Variants in TOP6BL observed in about 807,000 individuals in gnomAD.
TOP6BL encodes TOP6B like initiator of meiotic double strand breaks.
the TOP6BL span, among the ~76,000 whole-genome samples, chr11:66,783,230 G>A: frequency 2.0e-5 from 3 of 152,132 alleles, no homozygotes; most frequent in African/African-American, 4.8e-5. Flanking sequence ...GCTGGGCATC[G>A]TGTACACCTG....
chr11:66,781,556 A>G, the TOP6BL span, among the ~76,000 whole-genome samples: 1 of 151,996 alleles, frequency 6.6e-6, no homozygotes, highest in African/African-American at 2.4e-5. Flanking sequence ...CTTTTTTCAG[A>G]GACAGGGTCT....
the TOP6BL span, chr11:66,843,265 T>C: frequency 5.0e-6 from 8 of 1,604,244 alleles, no homozygotes; most frequent in South Asian, 4.4e-5. Flanking sequence ...CGCCCACCGA[T>C]CCGGAGGCTG....
the TOP6BL span, among the ~76,000 whole-genome samples, chr11:66,829,068 CAAA>C: frequency 3.0e-5 from 1 of 33,096 alleles, no homozygotes; most frequent in Non-Finnish European, 6.1e-5. Flanking sequence ...GCCTCTGTCT[CAAA>C]AAAAAAAAAA....
chr11:66,778,108 T>TA, the TOP6BL span, among the ~76,000 whole-genome samples: 1 of 151,138 alleles, frequency 6.6e-6, no homozygotes, highest in South Asian at 2.1e-4. Context: ...TTTTTTTTTT[T>TA]AAGAGACAGT....
chr11:66,830,598 A>G, the TOP6BL span, among the ~76,000 whole-genome samples: 1 of 152,212 alleles, frequency 6.6e-6, no homozygotes, highest in Non-Finnish European at 1.5e-5. Flanking sequence ...CAATGAAACT[A>G]AAAGGTGGCT....
chr11:66,843,173 T>C, the TOP6BL span: 1 of 1,611,266 alleles, frequency 6.2e-7, no homozygotes, highest in South Asian at 1.1e-5. Context: ...CCGCAGGACG[T>C]GCTGTGGCTG....
At chr11:66,757,507 C>G in the TOP6BL span, among the ~76,000 whole-genome samples, 7 of 152,136 alleles carry the variant, frequency 4.6e-5, no homozygotes, top group Admixed American at 3.9e-4. Context: ...TGGAAATGTT[C>G]TCTGTCTCCT....
the TOP6BL span, among the ~76,000 whole-genome samples, chr11:66,745,312 G>C: frequency 3.3e-4 from 50 of 149,400 alleles, 3 homozygotes; most frequent in Middle Eastern, 3.4e-3. Flanking sequence ...TGCGGGGCGG[G>C]GTGGGGGGAG....
the TOP6BL span, among the ~76,000 whole-genome samples, chr11:66,768,548 A>G: frequency 8.5e-5 from 13 of 152,266 alleles, no homozygotes; most frequent in East Asian, 3.9e-4. Context: ...GACTACACTT[A>G]ATTTTAAGCT....
chr11:66,826,150 A>AT, the TOP6BL span, among the ~76,000 whole-genome samples: 1 of 151,952 alleles, frequency 6.6e-6, no homozygotes, highest in Admixed American at 6.6e-5. Context: ...GGCCTGCTTC[A>AT]TTTTTTTGGT....
At chr11:66,825,437 G>C in the TOP6BL span, among the ~76,000 whole-genome samples, 1 of 151,512 alleles carries the variant, frequency 6.6e-6, no homozygotes, top group East Asian at 2.0e-4. Flanking sequence ...GTTGTAGTGA[G>C]CTGAGTTCGC....
chr11:66,800,869 C>T, the TOP6BL span, among the ~76,000 whole-genome samples: 1 of 152,176 alleles, frequency 6.6e-6, no homozygotes, highest in African/African-American at 2.4e-5. Flanking sequence ...ATCCCTGTCT[C>T]TAGAGGGGGT....
chr11:66,784,675 T>C, the TOP6BL span, among the ~76,000 whole-genome samples: 1 of 152,244 alleles, frequency 6.6e-6, no homozygotes, highest in East Asian at 1.9e-4. Flanking sequence ...TTAAGCATTA[T>C]ATTTTCAAGG....
At chr11:66,782,406 A>G in the TOP6BL span, among the ~76,000 whole-genome samples, 7 of 152,324 alleles carry the variant, frequency 4.6e-5, no homozygotes, top group South Asian at 1.4e-3. Context: ...ACCTTGGCCA[A>G]GGACTCATGG....
the TOP6BL span, among the ~76,000 whole-genome samples, chr11:66,841,340 T>C: frequency 8.6e-5 from 13 of 151,808 alleles, no homozygotes; most frequent in Admixed American, 7.9e-4. Flanking sequence ...CTGGTCTCAA[T>C]CTCCTGACCT....
chr11:66,769,845 A>G, the TOP6BL span, among the ~76,000 whole-genome samples: 5 of 151,608 alleles, frequency 3.3e-5, no homozygotes, highest in Non-Finnish European at 7.4e-5. Flanking sequence ...GGTTCATGCC[A>G]TTCTCCTGCC....
At chr11:66,833,001 C>T in the TOP6BL span, among the ~76,000 whole-genome samples, 1 of 147,118 alleles carries the variant, frequency 6.8e-6, no homozygotes, top group Non-Finnish European at 1.5e-5. Context: ...GTAACTCCAT[C>T]TTCACATTGC....
At chr11:66,825,132 G>A in the TOP6BL span, among the ~76,000 whole-genome samples, 1 of 151,584 alleles carries the variant, frequency 6.6e-6, no homozygotes, top group African/African-American at 2.4e-5. Flanking sequence ...CCAAAGTGCT[G>A]GGATTACAGG....
chr11:66,784,863 C>A, the TOP6BL span, among the ~76,000 whole-genome samples: 1 of 151,828 alleles, frequency 6.6e-6, no homozygotes, highest in African/African-American at 2.4e-5. Context: ...TGCTCTTTTA[C>A]TGTGTCCAAT....
Sources: gnomAD v4.1 joint callset for allele counts (sites outside exome capture counted in the v4.1 genomes callset) on GRCh38, gnomAD v4.1.1 for gene constraint, MANE v1.5 for transcripts, NCBI Gene and HGNC (gene_info 2026-07-23, HGNC 2026-07-21) for gene names.